GPR143: variants seen among roughly 807,000 people sequenced by gnomAD.
The protein encoded by GPR143 is G protein-coupled receptor 143, also known as G-protein coupled receptor 143.
A neutral mutation model predicts 27.6 loss-of-function variants in GPR143; 8 were observed. The ratio of observed to expected loss-of-function variants is 0.29; its 90% CI spans 0.17 to 0.52. GPR143 has a LOEUF of 0.52. GPR143 is among the 20% of genes least tolerant of loss of function. GPR143 has a pLI of 0.96. For synonymous variants in GPR143, 156 were observed against 153.2 expected (o/e 1.02, Z -0.13); for missense variants, 303 against 343.1 (o/e 0.88, Z 0.92).
intron 1 of GPR143, among the ~76,000 whole-genome samples, chrX:9,764,268 C>A (rs769628815): frequency 6.3e-5 from 7 of 111,283 alleles, no homozygotes; most frequent in Non-Finnish European, 1.1e-4. Context: ...TCAACCTGGG[C>A]AAGAGGGTGA....
intron 5 of GPR143, among the ~76,000 whole-genome samples, chrX:9,745,069 T>C (rs1297530830): frequency 9.0e-6 from 1 of 111,717 alleles, no homozygotes; most frequent in Non-Finnish European, 1.9e-5. Context: ...CTGGCCAACA[T>C]AGTGAAACCC....
intron 3 of GPR143, among the ~76,000 whole-genome samples, chrX:9,758,154 TTGG>T (rs1471199510): frequency 9.0e-6 from 1 of 111,263 alleles, no homozygotes; most frequent in Non-Finnish European, 1.9e-5. Context: ...GACCATGAAC[TTGG>T]TGGGGGCAAA....
intron 4 of GPR143, among the ~76,000 whole-genome samples, chrX:9,748,303 C>CG (rs2083437119): frequency 1.8e-5 from 2 of 112,651 alleles, no homozygotes; most frequent in African/African-American, 6.4e-5. Context: ...GGGAAATATG[C>CG]GGAAAGCTTT....
rs753228542 is a variant in GPR143 at position 9,755,309 on chromosome X, G to A, written c.455+4023C>T. 1.1e-4 allele frequency among the ~76,000 whole-genome samples: 12 copies of A among 111,410 alleles called. No individual in the cohort carries two copies. The South Asian group carries it at 1.5e-3, about 14-fold the overall frequency. On this transcript the variant is annotated intron_variant, in intron 3 of 8. Transcript: ENST00000467482. ...GGCAGGCACCTGTAATCCCAGCTAC[G>A]TGGGAAACTGAGGCAGGAGAATCGC... is the stretch of plus-strand genomic sequence containing the variant.
chrX:9,765,489 T>G, intron 1 of GPR143, 79 bp downstream of exon 1: 1 of 927,465 alleles, frequency 1.1e-6, no homozygotes, highest in South Asian at 3.3e-5. Flanking sequence ...CGGGCACCAG[T>G]CGGGTCTCAA....
intron 4 of GPR143, 40 bp downstream of exon 4, chrX:9,748,534 C>G (rs940596404): frequency 2.2e-6 from 2 of 907,888 alleles, no homozygotes; most frequent in African/African-American, 3.8e-5. Flanking sequence ...CATTATGAGC[C>G]AAGGATGGGG....
At chrX:9,747,451 C>G (rs181705684) in intron 4 of GPR143, among the ~76,000 whole-genome samples, 1 of 111,183 alleles carries the variant, frequency 9.0e-6, no homozygotes, top group Admixed American at 9.7e-5. Context: ...GTCCCACAGG[C>G]GAGGGAGAGT....
intron 8 of GPR143, among the ~76,000 whole-genome samples, chrX:9,737,582 C>T (rs2083384400): frequency 9.0e-6 from 1 of 111,688 alleles, no homozygotes. Flanking sequence ...AAATGACTCC[C>T]TGGGGGCACA....
In GPR143 at chrX:9,761,012, G is replaced by GA. The variant is rs776308541; in HGVS notation, c.251-187dup. Among the ~76,000 whole-genome samples, 14 of 110,141 alleles carry GA rather than the reference G, an allele frequency of 1.3e-4. 2 individuals carry two copies. Among genetic ancestry groups the GA allele is most frequent in the Admixed American group, 4.9e-4 (5 of 10,260 alleles). On this transcript the variant is annotated intron_variant, in intron 1 of 8. Transcript: ENST00000467482. The stretch of plus-strand genomic sequence containing the variant: ...CAAGGAGGGAAAAGGAAGAAAGGAA[G>GA]AAAAAACATACATATTTGTGTGTGC...
At chrX:9,732,865 C>CAA (rs34622284) in intron 8 of GPR143, among the ~76,000 whole-genome samples, 33 of 48,051 alleles carry the variant, frequency 6.9e-4, no homozygotes, top group African/African-American at 1.8e-3. Flanking sequence ...AACTCCATCT[C>CAA]AAAAAAAAAA....
At chrX:9,768,675 CT>C (rs752205560), upstream of GPR143, among the ~76,000 whole-genome samples, 2,437 of 101,112 alleles carry the variant, frequency 0.024, 62 homozygotes, top group African/African-American at 0.076. Flanking sequence ...AGATGACAAA[CT>C]TTTTTTTTTT....
intron 8 of GPR143, 165 bp from the exon 9 acceptor site, chrX:9,726,005 A>AAAT (rs1569113436): frequency 1.6e-6 from 1 of 607,960 alleles, no homozygotes; most frequent in African/African-American, 2.8e-5. Context: ...AAAAAAAAAA[A>AAAT]GGTGGGAGGG....
At chrX:9,764,798 G>A (rs1306674988) in intron 1 of GPR143, among the ~76,000 whole-genome samples, 2 of 111,095 alleles carry the variant, frequency 1.8e-5, no homozygotes, top group South Asian at 3.8e-4. Flanking sequence ...AGGCCGAGGC[G>A]GGTGGATTAC....
chrX:9,743,614 C>A lies in GPR143; in HGVS notation c.718G>T (p.Ala240Ser), dbSNP rs1451761347. 4.2e-6 allele frequency: 5 copies of A among 1,192,305 alleles called. No individual in the cohort carries two copies. The highest frequency in any genetic ancestry group is 4.6e-6 in the Non-Finnish European group (4 of 878,734). The part of the protein sequence containing the change: ...IYTENERRMG[A>S]VIKIRFFKIM... ...TTGAAAAATCGGATCTTGATCACGG[C>A]TCCCATCCTCCTCTCGTTCTCCGTG... The change falls in exon 6 of 9, where the codon GCC becomes TCC. Residue 240 changes from alanine to serine, a missense_variant. Transcript: ENST00000467482.
At chrX:9,741,180 AG>A in intron 7 of GPR143, 157 bp downstream of exon 7, 2 of 400,248 alleles carry the variant, frequency 5.0e-6, no homozygotes, top group Non-Finnish European at 8.8e-6. Context: ...GTTACTCAGG[AG>A]GCCAAGACAG....
chrX:9,751,833 T>G (rs2083452745), intron 3 of GPR143, among the ~76,000 whole-genome samples: 1 of 112,876 alleles, frequency 8.9e-6, no homozygotes. Context: ...TCTCACTCAG[T>G]GTACATTGGC....
chrX:9,726,071 A>G (rs2083325642), intron 8 of GPR143: 3 of 593,146 alleles, frequency 5.1e-6, no homozygotes, highest in African/African-American at 2.6e-5. Context: ...ACAACGGATG[A>G]CACAAGCCCT....
At chrX:9,771,709 CTCTTTTTTT>C (rs1422886584) in intron 1 of GPR143, among the ~76,000 whole-genome samples, 16 of 92,818 alleles carry the variant, frequency 1.7e-4, no homozygotes, top group South Asian at 4.8e-4. Flanking sequence ...AGCATTCTCT[CTCTTTTTTT>C]TTTTTTTTTG....
At chrX:9,733,824 G>A (rs1478193787) in intron 8 of GPR143, among the ~76,000 whole-genome samples, 3 of 111,446 alleles carry the variant, frequency 2.7e-5, no homozygotes, top group Non-Finnish European at 5.7e-5. Flanking sequence ...GCTCACGCCT[G>A]TAATCCCAAC....
Sources: allele counts gnomAD v4.1 joint callset (sites outside exome capture counted in the v4.1 genomes callset), GRCh38; gene constraint gnomAD v4.1.1; transcripts MANE v1.5; gene names NCBI Gene and HGNC (gene_info 2026-07-23, HGNC 2026-07-21).